Variants in DPP4 observed in about 807,000 individuals in gnomAD.
DPP4 encodes dipeptidyl peptidase 4.
Under a neutral mutation model 122.4 loss-of-function variants are expected in DPP4, and 93 were observed. The ratio of observed to expected loss-of-function variants is 0.76; its 90% CI spans 0.64 to 0.90. The LOEUF (loss-of-function observed/expected upper bound fraction) is 0.90, where lower values mean the gene tolerates loss of function less well. Ranked by LOEUF, DPP4 falls within the 40% of genes least tolerant of loss-of-function variation. The pLI is 0.00. For synonymous variants in DPP4, 321 were observed against 302.9 expected (o/e 1.06, Z -0.62); for missense variants, 914 against 907.3 (o/e 1.01, Z -0.09).
intron 11 of DPP4, 116 bp from the exon 12 acceptor site, chr2:162,022,915 AT>A (rs1157980613): frequency 2.0e-6 from 2 of 992,410 alleles, no homozygotes; most frequent in African/African-American, 3.2e-5. Flanking sequence ...AGCTATCTCC[AT>A]TCATATATTT....
rs1287681242 is a variant in DPP4, at chr2:161,993,316, G to A, written c.2268C>T (p.Ser756=). 5 of 1,613,324 alleles carry A rather than the reference G, an allele frequency of 3.1e-6. No individual in the cohort carries two copies. The highest frequency in any genetic ancestry group is 1.7e-5 in the Admixed American group (1 of 59,984). ...TAHQHIYTHM[S]HFIKQCFSLP ...AAGAGAAACATTGTTTTATGAAGTG[G>A]CTCATGTGGGTATATATATGTTGGT... is the stretch of plus-strand genomic sequence containing the variant. The change falls in exon 26 of 26, where the codon AGC becomes AGT. Residue 756 remains serine, a synonymous_variant. Coordinates refer to ENST00000360534, the MANE Select transcript of DPP4 (RefSeq NM_001935.4).
intron 2 of DPP4, among the ~76,000 whole-genome samples, chr2:162,052,673 G>T (rs189277875): frequency 3.9e-4 from 60 of 152,318 alleles, no homozygotes; most frequent in African/African-American, 1.4e-3. Context: ...GGTGATGCTG[G>T]AATAGTTTTG....
chr2:162,059,969 C>G (rs1047557456), intron 2 of DPP4, among the ~76,000 whole-genome samples: 2 of 152,220 alleles, frequency 1.3e-5, no homozygotes, highest in Non-Finnish European at 2.9e-5. Context: ...TCTTCTTATG[C>G]TCATTCCCAT....
chr2:162,053,723 T>C (rs1684466439), intron 2 of DPP4, among the ~76,000 whole-genome samples: 2 of 152,222 alleles, frequency 1.3e-5, no homozygotes, highest in Admixed American at 6.5e-5. Context: ...GCTATAAACC[T>C]TGGCAGCACT....
chr2:162,002,019 T>C (rs762718141), intron 23 of DPP4, among the ~76,000 whole-genome samples: 10 of 152,174 alleles, frequency 6.6e-5, no homozygotes, highest in Non-Finnish European at 1.5e-4. Context: ...AAAAAGAGTC[T>C]TATGGACTCA....
intron 9 of DPP4, among the ~76,000 whole-genome samples, chr2:162,034,489 A>AC (rs1683693241): frequency 2.0e-5 from 3 of 152,188 alleles, no homozygotes; most frequent in Non-Finnish European, 4.4e-5. Context: ...AATTTCTTAC[A>AC]GAAAAAACAC....
At chr2:162,054,648 C>G (rs1447508502) in intron 2 of DPP4, among the ~76,000 whole-genome samples, 1 of 152,138 alleles carries the variant, frequency 6.6e-6, no homozygotes, top group Admixed American at 6.5e-5. Context: ...GCCTTTTTGT[C>G]TTTCTACTCT....
chr2:162,046,381 G>C (rs74869575), intron 4 of DPP4, among the ~76,000 whole-genome samples: 1,582 of 152,294 alleles, frequency 0.01, 28 homozygotes, highest in African/African-American at 0.036. Flanking sequence ...TAGCATAAGT[G>C]ACTTGGAGGA....
intron 2 of DPP4, among the ~76,000 whole-genome samples, chr2:162,051,351 G>A (rs1684375694): frequency 6.6e-6 from 1 of 152,138 alleles, no homozygotes; most frequent in South Asian, 2.1e-4. Context: ...AATTGCTTCT[G>A]TATGATTACA....
chr2:162,011,748 GA>G (rs369733447), intron 20 of DPP4, 44 bp downstream of exon 20: 933 of 1,579,666 alleles, frequency 5.9e-4, no homozygotes, highest in Middle Eastern at 3.9e-3. Flanking sequence ...TTTTAAAGGG[GA>G]AAAAAAATCA....
Position 162,035,170 on chromosome 2 carries a change from A to G in DPP4, c.768T>C (p.Tyr256=). Residue 256 remains tyrosine, a synonymous_variant, in exon 9 of 26, where the codon TAT becomes TAC. Transcript: ENST00000360534. Reference sequence around the variant, plus strand: ...TACAAACAGGAGCACAGACCTTTGGATATGGAACCCGTACAGTCTTTGGGT... The same window carrying G: ...TACAAACAGGAGCACAGACCTTTGGGTATGGAACCCGTACAGTCTTTGGGT... The part of the protein sequence containing the change: ...LQYPKTVRVP[Y]PKAGAVNPTV... 6.2e-7 allele frequency: 1 copy of G among 1,612,820 alleles called. No homozygotes were observed. The highest frequency in any genetic ancestry group is 1.1e-5 in the South Asian group (1 of 90,772).
At chr2:162,011,753 A>G (rs1427682957) in intron 20 of DPP4, 40 bp downstream of exon 20, 1 of 1,592,094 alleles carries the variant, frequency 6.3e-7, no homozygotes, top group East Asian at 2.2e-5. Flanking sequence ...AAGGGGAAAA[A>G]AAATCAGATG....
chr2:162,019,325 G>C (rs777584582), intron 14 of DPP4, 49 bp from the exon 15 acceptor site: 21 of 1,315,838 alleles, frequency 1.6e-5, no homozygotes, highest in Non-Finnish European at 2.2e-5. Flanking sequence ...TTTTTAAGAA[G>C]TCAGAGGCGA....
chr2:162,012,657 A>G (rs1682745995), intron 19 of DPP4, among the ~76,000 whole-genome samples: 1 of 152,062 alleles, frequency 6.6e-6, no homozygotes, highest in Non-Finnish European at 1.5e-5. Flanking sequence ...CCCTACACAG[A>G]GCTGTGTGCA....
chr2:162,020,318 C>G, intron 13 of DPP4, 22 bp from the exon 14 acceptor site: 1 of 950,094 alleles, frequency 1.1e-6, no homozygotes, highest in Non-Finnish European at 1.5e-6. Context: ...TTTTTTTTTT[C>G]AAAAAAAAAA....
intron 2 of DPP4, among the ~76,000 whole-genome samples, chr2:162,063,379 G>A (rs1684847010): frequency 6.6e-6 from 1 of 152,160 alleles, no homozygotes; most frequent in Admixed American, 6.5e-5. Context: ...TTGCCAAGTT[G>A]TAAATGGTAT....
rs548290431 is a variant in DPP4, at chr2:161,994,309, C to T, written c.2199+652G>A. Among the ~76,000 whole-genome samples the T allele has an allele frequency of 5.9e-5, 9 of 152,316 alleles. No individual in the cohort carries two copies. In the South Asian group the frequency reaches 1.4e-3, roughly 25 times the overall value. Reference sequence around the variant, plus strand: ...AGAGCAAATCATGTGTGTTAGAGGACACATAAATACATATACATACATGCA... The same window carrying T: ...AGAGCAAATCATGTGTGTTAGAGGATACATAAATACATATACATACATGCA... On this transcript the variant is annotated intron_variant, in intron 25 of 25. Transcript: ENST00000360534.
At chr2:162,043,105 C>T (rs1380755293) in intron 5 of DPP4, among the ~76,000 whole-genome samples, 1 of 152,190 alleles carries the variant, frequency 6.6e-6, no homozygotes. Flanking sequence ...CTCAACTCAG[C>T]ATCATGGAAT....
intron 5 of DPP4, among the ~76,000 whole-genome samples, chr2:162,044,777 A>T (rs967356417): frequency 6.6e-6 from 1 of 152,148 alleles, no homozygotes. Flanking sequence ...TGTGGAGTTG[A>T]GCTGGGTAAC....
Sources: gnomAD v4.1 joint callset for allele counts (sites outside exome capture counted in the v4.1 genomes callset) on GRCh38, gnomAD v4.1.1 for gene constraint, MANE v1.5 for transcripts, NCBI Gene and HGNC (gene_info 2026-07-23, HGNC 2026-07-21) for gene names.